ANGPT2: variants seen among roughly 807,000 people sequenced by gnomAD.
ANGPT2 encodes the protein angiopoietin-2.
In ANGPT2, 28 loss-of-function variants were observed where a neutral mutation model predicts 62.9. The observed-to-expected ratio is 0.44, with a 90% CI of 0.33 to 0.61. The LOEUF (loss-of-function observed/expected upper bound fraction) is 0.61. ANGPT2 is among the 20% of genes least tolerant of loss of function. The pLI, the probability that ANGPT2 is intolerant of heterozygous loss-of-function variation, is 0.03. For synonymous variants in ANGPT2, 284 were observed against 207.8 expected (o/e 1.37, Z -3.15); for missense variants, 727 against 594.9 (o/e 1.22, Z -2.31).
At chr8:6,514,528 T>C in intron 6 of ANGPT2, 149 bp downstream of exon 6, 1 of 683,194 alleles carries the variant, frequency 1.5e-6, no homozygotes, top group Non-Finnish European at 2.5e-6. Flanking sequence ...ATATTGGCCA[T>C]TCTTTAAAGG....
At chr8:6,525,419 G>T (rs183392982) in intron 3 of ANGPT2, among the ~76,000 whole-genome samples, 1 of 150,354 alleles carries the variant, frequency 6.7e-6, no homozygotes, top group East Asian at 1.9e-4. Flanking sequence ...TTGTAAAAAT[G>T]AGTTCTCATT....
intron 1 of ANGPT2, among the ~76,000 whole-genome samples, chr8:6,536,421 T>C (rs946343774): frequency 1.2e-4 from 19 of 152,014 alleles, no homozygotes; most frequent in African/African-American, 4.4e-4. Context: ...CAAAGTGATA[T>C]ATCTCAAAAT....
At chr8:6,511,259 C>T (rs1381357338) in intron 7 of ANGPT2, among the ~76,000 whole-genome samples, 2 of 150,696 alleles carry the variant, frequency 1.3e-5, no homozygotes, top group African/African-American at 2.4e-5. Flanking sequence ...TGGCCACGTT[C>T]TTGAAGTTGC....
chr8:6,500,299 G>T lies in ANGPT2; in HGVS notation c.*2802C>A, dbSNP rs1044534116. 1 of 200,198 alleles carries T rather than the reference G, an allele frequency of 5.0e-6. No homozygotes were observed. The highest frequency in any genetic ancestry group is 2.3e-5 in the African/African-American group (1 of 42,606). The allele number at this position is 200,198 out of a possible 1,614,324, so 12.4% of individuals were successfully genotyped here. A position where few individuals can be genotyped will look rare whatever the true frequency, so the allele number is the denominator to read the frequency against. On this transcript the variant is annotated 3_prime_UTR_variant, in exon 9 of 9. Coordinates refer to ENST00000629816, the MANE Select transcript of ANGPT2 (RefSeq NM_001118887.2). ...GGTATAAAGATTATGGCTTGCTGGT[G>T]CTGTGATAACAGTATTTATATTTTT...
chr8:6,509,098 G>A (rs1586224580), intron 7 of ANGPT2, 36 bp from the exon 8 acceptor site: 1 of 1,602,470 alleles, frequency 6.2e-7, no homozygotes, highest in East Asian at 2.2e-5. Context: ...ACATTGGCTA[G>A]GGTCATTGAT....
chr8:6,558,524 A>C (rs1359376936), intron 1 of ANGPT2, among the ~76,000 whole-genome samples: 1 of 152,188 alleles, frequency 6.6e-6, no homozygotes, highest in Admixed American at 6.5e-5. Flanking sequence ...ATCCTTCTCA[A>C]GTTTCATCTA....
intron 1 of ANGPT2, among the ~76,000 whole-genome samples, chr8:6,554,074 C>T (rs1180401757): frequency 6.7e-6 from 1 of 150,188 alleles, no homozygotes; most frequent in Non-Finnish European, 1.5e-5. Flanking sequence ...AATGTATTTC[C>T]TGAAATACTG....
At chr8:6,526,578 T>A (rs903810512) in intron 3 of ANGPT2, among the ~76,000 whole-genome samples, 1 of 152,238 alleles carries the variant, frequency 6.6e-6, no homozygotes, top group Non-Finnish European at 1.5e-5. Context: ...TATTTGCTTT[T>A]CAAAACCCTA....
chr8:6,500,284 T>G lies in ANGPT2; in HGVS notation c.*2817A>C, dbSNP rs1486712421. The G allele has an allele frequency of 4.5e-6, 1 of 224,276 alleles. No individual in the cohort carries two copies. The highest frequency in any genetic ancestry group is 9.0e-6 in the Non-Finnish European group (1 of 111,296). The allele number at this position is 224,276 out of a possible 1,614,324, so 13.9% of individuals were successfully genotyped here. ...GAAATAGAACTGATAGGTATAAAGATTATGGCTTGCTGGTGCTGTGATAAC... is the reference window on the plus strand; with the variant it reads ...GAAATAGAACTGATAGGTATAAAGAGTATGGCTTGCTGGTGCTGTGATAAC... On this transcript the variant is annotated 3_prime_UTR_variant, in exon 9 of 9. Coordinates refer to ENST00000629816, the MANE Select transcript of ANGPT2 (RefSeq NM_001118887.2).
intron 2 of ANGPT2, among the ~76,000 whole-genome samples, chr8:6,529,180 T>G (rs1180823411): frequency 6.6e-6 from 1 of 152,230 alleles, no homozygotes; most frequent in South Asian, 2.1e-4. Flanking sequence ...TGGACCAGCC[T>G]GAAGGCGTCC....
rs1425189531 is a variant in ANGPT2, at chr8:6,501,363, G to A, written c.*1738C>T. 1.3e-5 allele frequency: 2 copies of A among 152,098 alleles called. No homozygotes were observed. Among genetic ancestry groups the A allele is most frequent in the South Asian group, 2.1e-4 (1 of 4,830 alleles). The allele number at this position is 152,098 out of a possible 1,614,324, so 9.4% of individuals were successfully genotyped here. On this transcript the variant is annotated 3_prime_UTR_variant, in exon 9 of 9. Coordinates refer to ENST00000629816, the MANE Select transcript of ANGPT2 (RefSeq NM_001118887.2). ...ATATAGTAGATGCTAGTTACAGACT[G>A]GACTCTGAACTTCCTTGCAAATGAT...
chr8:6,557,138 C>T (rs913901407), intron 1 of ANGPT2, among the ~76,000 whole-genome samples: 10 of 152,340 alleles, frequency 6.6e-5, no homozygotes, highest in African/African-American at 2.4e-4. Context: ...CAGCAGTTTT[C>T]TGCAGTCTTC....
In ANGPT2 at chr8:6,502,274, A is replaced by G. The variant is rs569610397; in HGVS notation, c.*827T>C. 6.6e-6 allele frequency: 1 copy of G among 152,302 alleles called. No homozygotes were observed. The highest frequency in any genetic ancestry group is 1.9e-4 in the East Asian group (1 of 5,186). The allele number at this position is 152,302 out of a possible 1,614,324, so 9.4% of individuals were successfully genotyped here. A position where few individuals can be genotyped will look rare whatever the true frequency, so the allele number is the denominator to read the frequency against. ...AAATTATAAAATTGTAAATATTATC[A>G]TAAAAGTTAAACATAGGCATATCCC... On this transcript the variant is annotated 3_prime_UTR_variant, in exon 9 of 9. Transcript: ENST00000629816.
At chr8:6,512,014 A>G (rs376545250) in intron 7 of ANGPT2, among the ~76,000 whole-genome samples, 9 of 151,832 alleles carry the variant, frequency 5.9e-5, no homozygotes, top group African/African-American at 1.9e-4. Flanking sequence ...AATTCATTGA[A>G]GTTTTGATCT....
chr8:6,508,930 A>T lies in ANGPT2; in HGVS notation c.1327+2T>A. On this transcript the variant is annotated splice_donor_variant, in intron 8 of 8. Transcript: ENST00000629816. LOFTEE classifies it high-confidence loss of function. The stretch of plus-strand genomic sequence containing the variant: ...AATAGGAAGACAGAAAGTCATCCCT[A>T]CCTCCTGTTAGCATTTGTGAACATT... The T allele has an allele frequency of 6.2e-7, 1 of 1,614,060 alleles. No homozygotes were observed. The highest frequency in any genetic ancestry group is 1.1e-5 in the South Asian group (1 of 91,070).
At position 6,513,751 on chromosome 8, in the gene ANGPT2, T is replaced by G; in HGVS notation, c.1123A>C (p.Lys375Gln). The change falls in exon 7 of 9, where the codon AAA becomes CAA. Residue 375 changes from lysine (K) to glutamine (Q), a missense_variant. Coordinates refer to ENST00000629816, the MANE Select transcript of ANGPT2 (RefSeq NM_001118887.2). ...TAAGCCTCATTCCCTTCCCAGTCTTTAAGGTGTATTTTAAGCACATAGCGT... is the reference window on the plus strand; with the variant it reads ...TAAGCCTCATTCCCTTCCCAGTCTTGAAGGTGTATTTTAAGCACATAGCGT... The part of the protein sequence containing the change: ...QQRYVLKIHL[K>Q]DWEGNEAYSL... The G allele has an allele frequency of 6.2e-7, 1 of 1,614,048 alleles. No homozygotes were observed. Among genetic ancestry groups the G allele is most frequent in the East Asian group, 2.2e-5 (1 of 44,876 alleles).
At chr8:6,529,980 C>T (rs1819150620) in intron 2 of ANGPT2, among the ~76,000 whole-genome samples, 1 of 151,708 alleles carries the variant, frequency 6.6e-6, no homozygotes, top group South Asian at 2.1e-4. Flanking sequence ...GCTGCTCTGT[C>T]CTAACACTTT....
At chr8:6,513,622 CG>C in intron 7 of ANGPT2, 55 bp downstream of exon 7, 2 of 1,521,042 alleles carry the variant, frequency 1.3e-6, no homozygotes, top group Non-Finnish European at 1.8e-6. Flanking sequence ...CGTGAGCCAC[CG>C]TGCCCGGCCA....
chr8:6,520,884 T>A (rs537777220), intron 4 of ANGPT2, among the ~76,000 whole-genome samples: 14 of 152,310 alleles, frequency 9.2e-5, no homozygotes, highest in Admixed American at 7.8e-4. Flanking sequence ...TAAATGAATA[T>A]CGGCTGTGGT....
Sources: gnomAD v4.1 joint callset for allele counts (sites outside exome capture counted in the v4.1 genomes callset) on GRCh38, gnomAD v4.1.1 for gene constraint, MANE v1.5 for transcripts, NCBI Gene and HGNC (gene_info 2026-07-23, HGNC 2026-07-21) for gene names.